SMURF2: variants seen among roughly 807,000 people sequenced by gnomAD.
The protein encoded by SMURF2 is E3 ubiquitin-protein ligase SMURF2.
SMURF2 carries 48 observed loss-of-function variants against 109.6 expected under a neutral mutation model. That is an observed-to-expected ratio of 0.44 (90% CI 0.35 to 0.56). The LOEUF (loss-of-function observed/expected upper bound fraction) is 0.56. Among genes scored for constraint, SMURF2 ranks in the 20% least tolerant of loss-of-function variants. The pLI, the probability that SMURF2 is intolerant of heterozygous loss-of-function variation, is 0.01. For synonymous variants in SMURF2, 288 were observed against 317.1 expected (o/e 0.91, Z 0.97); for missense variants, 575 against 909.0 (o/e 0.63, Z 4.72).
In SMURF2 at chr17:64,621,952, C is replaced by CAATAATAATAAT. The variant is rs782162183; in HGVS notation, c.53-15324_53-15313dup. On this transcript the variant is annotated intron_variant, in intron 1 of 18. Coordinates refer to ENST00000262435, the MANE Select transcript of SMURF2 (RefSeq NM_022739.4). ...AAAGCACTGTAGTGAGCCATCATCG[C>CAATAATAATAAT]AATAATAATAATAATAATAATAATA... Among the ~76,000 whole-genome samples the CAATAATAATAAT allele has an allele frequency of 6.8e-3, 886 of 130,468 alleles. 8 individuals are homozygous for CAATAATAATAAT. The highest frequency in any genetic ancestry group is 0.015 in the Middle Eastern group (4 of 260). 85.6% of individuals were successfully genotyped at this position (130,468 alleles called of 152,430 possible). A position where few individuals can be genotyped will look rare whatever the true frequency, so the allele number is the denominator to read the frequency against.
At chr17:64,571,111 T>C (rs534607781) in intron 10 of SMURF2, among the ~76,000 whole-genome samples, 1 of 152,216 alleles carries the variant, frequency 6.6e-6, no homozygotes, top group East Asian at 1.9e-4. Flanking sequence ...TAAAGAACAA[T>C]GCTTGTCACA....
intron 9 of SMURF2, among the ~76,000 whole-genome samples, chr17:64,573,273 AG>A (rs151102699): frequency 1.8e-5 from 1 of 57,010 alleles, no homozygotes; most frequent in South Asian, 7.0e-4. Flanking sequence ...GAGGAGGAGG[AG>A]GGGGAGGAGG....
chr17:64,586,612 G>A (rs782516437), intron 5 of SMURF2, among the ~76,000 whole-genome samples: 1 of 151,746 alleles, frequency 6.6e-6, no homozygotes, highest in African/African-American at 2.4e-5. Context: ...TTAGCCAGGC[G>A]TGGTGGTGGG....
chr17:64,561,412 T>C lies in SMURF2; in HGVS notation c.1316+88A>G, dbSNP rs1222046499. 6.1e-6 allele frequency: 5 copies of C among 815,186 alleles called. No homozygotes were observed. The Admixed American group carries it at 7.1e-5, about 12-fold the overall frequency. The allele number at this position is 815,186 out of a possible 1,614,324, so 50.5% of individuals were successfully genotyped here. A position where few individuals can be genotyped will look rare whatever the true frequency, so the allele number is the denominator to read the frequency against. ...ACATTAGGGAATAACAAAAAATAAA[T>C]GTCGATGAGAAAGTTACACCACAGG... On this transcript the variant is annotated intron_variant, in intron 12 of 18. Transcript: ENST00000262435.
chr17:64,628,460 C>A (rs1429249677), intron 1 of SMURF2, among the ~76,000 whole-genome samples: 1 of 152,124 alleles, frequency 6.6e-6, no homozygotes, highest in Non-Finnish European at 1.5e-5. Flanking sequence ...CCTGTCAGGA[C>A]TCCTGAATCT....
rs1555687048 is a variant in SMURF2, at chr17:64,586,131, T to G, written c.440A>C (p.Gln147Pro). ...QSRDRIGTGG[Q>P]VVDCSRLFDN... is the part of the protein sequence containing the mutation. The stretch of plus-strand genomic sequence containing the variant: ...AAATAAACGACTGCAGTCCACAACT[T>G]GTCCTCCTGTGCCTATTCGGTCTCT... The change falls in exon 6 of 19, where the codon CAA becomes CCA. Residue 147 changes from glutamine to proline, a missense_variant. Gln to Pro is a moderately conservative substitution (Grantham distance 76). Around this residue, in one of 5 missense-constraint regions of SMURF2, gnomAD observed 151 missense variants for 178.4 expected, o/e 0.85. Transcript: ENST00000262435. The G allele has an allele frequency of 6.2e-7, 1 of 1,610,668 alleles. No individual in the cohort carries two copies. The highest frequency in any genetic ancestry group is 2.2e-5 in the East Asian group (1 of 44,718).
intron 12 of SMURF2, among the ~76,000 whole-genome samples, chr17:64,559,404 G>A (rs1225905924): frequency 6.6e-6 from 1 of 151,978 alleles, no homozygotes; most frequent in Non-Finnish European, 1.5e-5. Context: ...GACCAGCATG[G>A]CCAACATGGT....
intron 12 of SMURF2, among the ~76,000 whole-genome samples, chr17:64,561,183 T>C (rs532197043): frequency 1.4e-4 from 21 of 152,220 alleles, no homozygotes; most frequent in African/African-American, 5.1e-4. Context: ...GTTCAGGTTA[T>C]ATATCATTTA....
chr17:64,637,093 GAATCC>G (rs1970427142), intron 1 of SMURF2, among the ~76,000 whole-genome samples: 1 of 151,394 alleles, frequency 6.6e-6, no homozygotes, highest in Non-Finnish European at 1.5e-5. Context: ...TAAATTGACA[GAATCC>G]AATCCAAAGT....
chr17:64,579,063 A>G (rs1969540489), intron 8 of SMURF2, among the ~76,000 whole-genome samples: 2 of 152,258 alleles, frequency 1.3e-5, no homozygotes, highest in Non-Finnish European at 1.5e-5. Context: ...TTGAGCTCAA[A>G]GAGAAGCAAA....
intron 13 of SMURF2, among the ~76,000 whole-genome samples, chr17:64,556,296 C>A (rs1555684042): frequency 6.6e-6 from 1 of 152,062 alleles, no homozygotes; most frequent in African/African-American, 2.4e-5. Context: ...ACTTGCAGAT[C>A]CTTTTCTCTT....
chr17:64,552,533 A>G (rs938141074), intron 15 of SMURF2, among the ~76,000 whole-genome samples: 1 of 152,140 alleles, frequency 6.6e-6, no homozygotes, highest in African/African-American at 2.4e-5. Flanking sequence ...TGTAACTGTA[A>G]AAGTTTTTCT....
chr17:64,624,739 G>A (rs1970246512), intron 1 of SMURF2, among the ~76,000 whole-genome samples: 1 of 151,624 alleles, frequency 6.6e-6, no homozygotes, highest in African/African-American at 2.4e-5. Flanking sequence ...CAGGAGGATC[G>A]TTTGAACACA....
Position 64,543,870 on chromosome 17 carries a change from T to A in SMURF2, c.*1978A>T, listed in dbSNP as rs1487338596. 6.6e-6 allele frequency: 1 copy of A among 152,114 alleles called. No individual in the cohort carries two copies. Among genetic ancestry groups the A allele is most frequent in the Non-Finnish European group, 1.5e-5 (1 of 68,028 alleles). The allele number at this position is 152,114 out of a possible 1,614,324, so 9.4% of individuals were successfully genotyped here. On this transcript the variant is annotated 3_prime_UTR_variant, in exon 19 of 19. Transcript: ENST00000262435. ...GAACATTACTGATTATCAAATAGCA[T>A]AGAAACCACTTCCATACATTTCAAG...
intron 1 of SMURF2, among the ~76,000 whole-genome samples, chr17:64,630,801 T>C (rs1970328191): frequency 1.3e-5 from 2 of 152,198 alleles, no homozygotes; most frequent in Admixed American, 1.3e-4. Flanking sequence ...GTCCTTTATA[T>C]CATTGCGGAG....
chr17:64,562,707 T>C, intron 11 of SMURF2, 64 bp downstream of exon 11: 1 of 1,490,504 alleles, frequency 6.7e-7, no homozygotes, highest in Non-Finnish European at 9.2e-7. Context: ...ATAAGGTTTG[T>C]ATTAGCAAGC....
At chr17:64,655,458 A>AAC (rs1316795627) in intron 1 of SMURF2, among the ~76,000 whole-genome samples, 5 of 151,658 alleles carry the variant, frequency 3.3e-5, no homozygotes, top group Admixed American at 1.3e-4. Context: ...GGGTTTCACC[A>AAC]TGTTGGCCAG....
chr17:64,623,023 G>A, intron 1 of SMURF2, among the ~76,000 whole-genome samples: 1 of 152,006 alleles, frequency 6.6e-6, no homozygotes, highest in East Asian at 1.9e-4. Flanking sequence ...TTTGGCCATT[G>A]GGAGCTCTTT....
chr17:64,607,217 T>A (rs1284292061), intron 1 of SMURF2, among the ~76,000 whole-genome samples: 4 of 152,092 alleles, frequency 2.6e-5, no homozygotes, highest in Admixed American at 2.6e-4. Flanking sequence ...AGTTAATATA[T>A]TAAAACTAGA....
Sources: gnomAD v4.1 joint callset for allele counts (sites outside exome capture counted in the v4.1 genomes callset) on GRCh38, gnomAD v4.1.1 for gene constraint, gnomAD v4.1.1 regional missense constraint, MANE v1.5 for transcripts, NCBI Gene and HGNC (gene_info 2026-07-23, HGNC 2026-07-21) for gene names.